Variants in ZNF160 observed in about 807,000 individuals in gnomAD.
ZNF160 encodes zinc finger protein 160, also known as KRAB zinc finger protein KR18.
Under a neutral mutation model 13.1 loss-of-function variants are expected in ZNF160, and 9 were observed. That is an observed-to-expected ratio of 0.69 (90% CI 0.41 to 1.20). The LOEUF is 1.20. Ranked by LOEUF, ZNF160 falls within the 50% of genes most tolerant of loss-of-function variation. The probability of loss-of-function intolerance (pLI) is 0.01; values close to 1 mark genes in which losing one functional copy is unlikely to be tolerated. For missense variants in ZNF160, 838 were observed against 988.0 expected (o/e 0.85, Z 2.04); for synonymous variants, 293 against 333.2 (o/e 0.88, Z 1.31).
intron 3 of ZNF160, among the ~76,000 whole-genome samples, chr19:53,081,652 T>C (rs1380529219): frequency 2.0e-5 from 3 of 152,128 alleles, no homozygotes; most frequent in Admixed American, 1.3e-4. Flanking sequence ...GGAAACACTT[T>C]TACACTCATA....
chr19:53,101,737 T>A (rs8111777), intron 1 of ZNF160, among the ~76,000 whole-genome samples: 4 of 152,082 alleles, frequency 2.6e-5, no homozygotes, highest in Admixed American at 6.5e-5. Context: ...GGGAGACCCA[T>A]AACTGAATGA....
chr19:53,100,978 C>T (rs1050001257), intron 1 of ZNF160, among the ~76,000 whole-genome samples: 2 of 145,924 alleles, frequency 1.4e-5, no homozygotes, highest in Non-Finnish European at 3.0e-5. Flanking sequence ...GTACCTCCAT[C>T]TCAAAAAAAA....
At chr19:53,088,221 C>T (rs1249115154) in intron 2 of ZNF160, among the ~76,000 whole-genome samples, 1 of 152,104 alleles carries the variant, frequency 6.6e-6, no homozygotes, top group Non-Finnish European at 1.5e-5. Context: ...AAGTGATCAG[C>T]TGTGCTACAT....
chr19:53,070,869 A>T (rs1231242043), intron 5 of ZNF160, among the ~76,000 whole-genome samples: 1 of 152,168 alleles, frequency 6.6e-6, no homozygotes, highest in Non-Finnish European at 1.5e-5. Context: ...AGCCTGGGCA[A>T]CACAGCAAGA....
chr19:53,070,041 C>G lies in ZNF160; in HGVS notation c.493G>C (p.Asp165His). The G allele has an allele frequency of 1.2e-6, 2 of 1,613,920 alleles. No individual in the cohort carries two copies. The highest frequency in any genetic ancestry group is 8.5e-7 in the Non-Finnish European group (1 of 1,179,870). The stretch of plus-strand genomic sequence containing the variant: ...TCTATGTCTCTTCTGTCGCGTTGAT[C>G]TCTTTTACCTTCTTTCTGGGCCATA... The part of the protein sequence containing the change: ...VLMAQKEGKR[D>H]QRDRRDIENK... The change falls in exon 6 of 6, where the codon GAT becomes CAT. Residue 165 changes from aspartate (D) to histidine (H), a missense_variant. Transcript: ENST00000683776.
chr19:53,068,163 A>C lies in ZNF160; in HGVS notation c.2371T>G (p.Cys791Gly). 1 of 1,614,182 alleles carries C rather than the reference A, an allele frequency of 6.2e-7. No individual in the cohort carries two copies. Among genetic ancestry groups the C allele is most frequent in the Non-Finnish European group, 8.5e-7 (1 of 1,180,014 alleles). ...AIHTGEKRYK[C>G]NECGKVFRQS... ...CTGAAGACCTTGCCACACTCATTACATTTGTAACGCTTTTCTCCAGTGTGG... is the reference window on the plus strand; with the variant it reads ...CTGAAGACCTTGCCACACTCATTACCTTTGTAACGCTTTTCTCCAGTGTGG... Residue 791 changes from cysteine (C) to glycine (G), a missense_variant, in exon 6 of 6, where the codon TGT becomes GGT. Cys to Gly is a radical substitution (Grantham distance 159, BLOSUM62 -3). Coordinates refer to ENST00000683776, the MANE Select transcript of ZNF160 (RefSeq NM_001322131.2).
intron 3 of ZNF160, among the ~76,000 whole-genome samples, chr19:53,076,660 A>G (rs1007916603): frequency 1.3e-5 from 2 of 151,416 alleles, no homozygotes; most frequent in African/African-American, 4.8e-5. Flanking sequence ...ACTGTACTGA[A>G]GTGATGCTGT....
intron 2 of ZNF160, among the ~76,000 whole-genome samples, chr19:53,090,367 CAG>C (rs2084990257): frequency 6.6e-6 from 1 of 152,178 alleles, no homozygotes; most frequent in South Asian, 2.1e-4. Context: ...CTTTCACTCT[CAG>C]TGTCTGTCTG....
In ZNF160 at chr19:53,068,313, C is replaced by G; in HGVS notation, c.2221G>C (p.Val741Leu). The G allele has an allele frequency of 5.6e-6, 9 of 1,614,018 alleles. No homozygotes were observed. Among genetic ancestry groups the G allele is most frequent in the East Asian group, 2.2e-5 (1 of 44,864 alleles). ...GCCAGGTGAGCATTTTGAGTAAAGA[C>G]CTTGCCACATTCATTACATTTGTAA... ...KPYKCNECGK[V>L]FTQNAHLANH... Residue 741 changes from valine (V) to leucine (L), a missense_variant, in exon 6 of 6, where the codon GTC becomes CTC. Physicochemically the swap from Val to Leu is conservative, Grantham distance 32 (BLOSUM62 1). This residue lies in a region of ZNF160 where 400 missense variants were observed against 538.9 expected (regional missense o/e 0.74). Coordinates refer to ENST00000683776, the MANE Select transcript of ZNF160 (RefSeq NM_001322131.2).
In ZNF160 at chr19:53,101,713, C is replaced by T. The variant is rs146958496; in HGVS notation, c.-354+1552G>A. 3.8e-3 allele frequency among the ~76,000 whole-genome samples: 574 copies of T among 152,238 alleles called. 6 individuals carry two copies. The highest frequency in any genetic ancestry group is 0.013 in the African/African-American group (541 of 41,552). ...CACTGCCCCCACCCTACCCCATCCT[C>T]GGAAACAGGAAGAGGGAGACCCATA... On this transcript the variant is annotated intron_variant, in intron 1 of 5. Transcript: ENST00000683776.
chr19:53,081,874 A>T (rs1421424081), intron 3 of ZNF160, among the ~76,000 whole-genome samples: 2 of 152,200 alleles, frequency 1.3e-5, no homozygotes, highest in Non-Finnish European at 2.9e-5. Context: ...AACCTTGGTG[A>T]CCATCAAGTG....
intron 3 of ZNF160, among the ~76,000 whole-genome samples, chr19:53,081,647 C>T (rs911971997): frequency 7.3e-5 from 11 of 151,358 alleles, no homozygotes; most frequent in African/African-American, 2.7e-4. Context: ...AAAAAGGAAA[C>T]ACTTTTACAC....
At position 53,068,266 on chromosome 19, in the gene ZNF160, A is replaced by G; in HGVS notation, c.2268T>C (p.Thr756=). The G allele has an allele frequency of 6.2e-7, 1 of 1,614,018 alleles. No homozygotes were observed. Among genetic ancestry groups the G allele is most frequent in the Non-Finnish European group, 8.5e-7 (1 of 1,179,954 alleles). ...CTGTACACCTGTAAGGTTTCTCCCC[A>G]GTATGAATTCTTCGGTGATTTGCCA... ...AHLANHRRIH[T]GEKPYRCTEC... The change falls in exon 6 of 6, where the codon ACT becomes ACC. Residue 756 remains threonine, a synonymous_variant. Coordinates refer to ENST00000683776, the MANE Select transcript of ZNF160 (RefSeq NM_001322131.2).
At chr19:53,101,385 A>G (rs2085440989) in intron 1 of ZNF160, among the ~76,000 whole-genome samples, 1 of 151,798 alleles carries the variant, frequency 6.6e-6, no homozygotes, top group South Asian at 2.1e-4. Context: ...CTCAATCTGA[A>G]CTCAACACAA....
At chr19:53,086,234 G>A in intron 3 of ZNF160, 28 bp downstream of exon 3, 1 of 1,570,832 alleles carries the variant, frequency 6.4e-7, no homozygotes, top group East Asian at 2.2e-5. Flanking sequence ...AGAAATAAAA[G>A]AACAATCCAC....
intron 5 of ZNF160, among the ~76,000 whole-genome samples, chr19:53,071,420 T>C (rs1189809890): frequency 6.7e-6 from 1 of 150,020 alleles, no homozygotes; most frequent in Admixed American, 6.7e-5. Flanking sequence ...GGTGTGGTAA[T>C]GGGCACCTGT....
chr19:53,101,086 C>T (rs1264804333), intron 1 of ZNF160, among the ~76,000 whole-genome samples: 1 of 151,976 alleles, frequency 6.6e-6, no homozygotes, highest in African/African-American at 2.4e-5. Context: ...CAAGACCAGC[C>T]TAGCCAACAT....
intron 4 of ZNF160, among the ~76,000 whole-genome samples, 196 bp downstream of exon 4, chr19:53,074,861 T>C (rs1280813704): frequency 6.6e-6 from 1 of 152,042 alleles, no homozygotes. Flanking sequence ...CCTCAAATGA[T>C]GAAGTACAAA....
At chr19:53,089,828 C>T (rs554231551) in intron 2 of ZNF160, among the ~76,000 whole-genome samples, 5 of 151,794 alleles carry the variant, frequency 3.3e-5, no homozygotes, top group East Asian at 3.9e-4. Context: ...TCTTTTTTTC[C>T]GATGTTTCCC....
Sources: allele counts gnomAD v4.1 joint callset (sites outside exome capture counted in the v4.1 genomes callset), GRCh38; gene constraint gnomAD v4.1.1; regional missense constraint gnomAD v4.1.1; transcripts MANE v1.5; gene names NCBI Gene and HGNC (gene_info 2026-07-23, HGNC 2026-07-21).